TAS2R1: variants seen among roughly 807,000 people sequenced by gnomAD.
TAS2R1 encodes taste 2 receptor member 1.
For missense variants in TAS2R1, 370 were observed against 353.4 expected (o/e 1.05, Z -0.38); for synonymous variants, 141 against 134.2 (o/e 1.05, Z -0.35).
At chr5:9,721,422 A>T in the TAS2R1 span, among the ~76,000 whole-genome samples, 1 of 152,224 alleles carries the variant, frequency 6.6e-6, no homozygotes, top group African/African-American at 2.4e-5. Flanking sequence ...TCTGGGAAGT[A>T]TGGCCAATCC....
In TAS2R1 at chr5:9,629,671, C is replaced by T. The variant is rs1186817136; in HGVS notation, c.362G>A (p.Arg121Lys). The T allele has an allele frequency of 1.2e-6, 2 of 1,613,972 alleles. No individual in the cohort carries two copies. Among genetic ancestry groups the T allele is most frequent in the African/African-American group, 1.3e-5 (1 of 74,876 alleles). ...RHPLFIWLKM[R>K]ISKLVPWMIL... Reference sequence around the variant, plus strand: ...CATCCATGGGACCAGCTTGGATATCCTCATCTTCAACCAGATGAAGAGTGG... The same window carrying T: ...CATCCATGGGACCAGCTTGGATATCTTCATCTTCAACCAGATGAAGAGTGG... The change falls in exon 1 of 1, where the codon AGG becomes AAG. Residue 121 changes from arginine to lysine, a missense_variant. By Grantham distance (26) the Arg-to-Lys change is conservative. Coordinates refer to ENST00000382492, the MANE Select transcript of TAS2R1 (RefSeq NM_019599.3).
intron 2 of TAS2R1, among the ~76,000 whole-genome samples, chr5:9,654,829 C>T (rs1579769840): frequency 6.6e-6 from 1 of 152,296 alleles, no homozygotes; most frequent in East Asian, 1.9e-4. Context: ...TACAGCTATT[C>T]TGGAAAACAG....
At chr5:9,900,387 T>A in the TAS2R1 span, among the ~76,000 whole-genome samples, 2 of 152,338 alleles carry the variant, frequency 1.3e-5, no homozygotes, top group Admixed American at 6.5e-5. Context: ...TTACCCTATA[T>A]TCATTAACTT....
At chr5:9,844,602 T>C in the TAS2R1 span, among the ~76,000 whole-genome samples, 2 of 152,302 alleles carry the variant, frequency 1.3e-5, no homozygotes, top group African/African-American at 2.4e-5. Flanking sequence ...TACGTGATTA[T>C]TTGGTTTCAG....
the TAS2R1 span, among the ~76,000 whole-genome samples, chr5:9,789,504 G>A: frequency 2.6e-5 from 4 of 152,138 alleles, no homozygotes; most frequent in African/African-American, 4.8e-5. Flanking sequence ...CAATTACAAC[G>A]TTGCATAGAT....
the TAS2R1 span, among the ~76,000 whole-genome samples, chr5:9,851,015 T>C: frequency 6.6e-5 from 10 of 152,140 alleles, no homozygotes; most frequent in Admixed American, 6.5e-4. Flanking sequence ...ATGTTGTCTC[T>C]TTTCAGGTGG....
Position 9,630,144 on chromosome 5 carries a change from A to T in TAS2R1, c.-112T>A. 1 of 880,224 alleles carries T rather than the reference A, an allele frequency of 1.1e-6. No homozygotes were observed. Among genetic ancestry groups the T allele is most frequent in the Non-Finnish European group, 1.7e-6 (1 of 594,978 alleles). 54.5% of individuals were successfully genotyped at this position (880,224 alleles called of 1,614,324 possible). A position where few individuals can be genotyped will look rare whatever the true frequency, so the allele number is the denominator to read the frequency against. On this transcript the variant is annotated 5_prime_UTR_variant, in exon 1 of 1. It introduces an in-frame stop codon into an upstream open reading frame of the 5' UTR. Transcript: ENST00000382492. ...CAGGACTCCTCTGGGGAAGAAGACT[A>T]ACAATAAAGGCATGGGGCAGGAAGG... is the stretch of plus-strand genomic sequence containing the variant.
the TAS2R1 span, among the ~76,000 whole-genome samples, chr5:9,830,501 G>A: frequency 1.3e-5 from 2 of 152,034 alleles, no homozygotes; most frequent in African/African-American, 4.8e-5. Context: ...AGACTATGTA[G>A]ATGACTGACA....
chr5:9,715,331 C>T (rs1734785754), upstream of TAS2R1, among the ~76,000 whole-genome samples: 1 of 152,194 alleles, frequency 6.6e-6, no homozygotes, highest in South Asian at 2.1e-4. Flanking sequence ...GGGGATGCTA[C>T]AGCAGGTGGT....
chr5:9,840,926 G>A, the TAS2R1 span, among the ~76,000 whole-genome samples: 8 of 142,496 alleles, frequency 5.6e-5, 2 homozygotes, highest in African/African-American at 2.1e-4. Flanking sequence ...CCCAGCTGGA[G>A]TGCAGTGGCA....
the TAS2R1 span, among the ~76,000 whole-genome samples, chr5:9,784,836 G>A: frequency 6.6e-6 from 1 of 152,088 alleles, no homozygotes; most frequent in Non-Finnish European, 1.5e-5. Context: ...TAAGGACACT[G>A]TTCAGATTAG....
the TAS2R1 span, among the ~76,000 whole-genome samples, chr5:9,842,295 G>A: frequency 2.3e-4 from 35 of 149,580 alleles, no homozygotes; most frequent in South Asian, 6.4e-4. Context: ...CTATATTCTG[G>A]TAGGAAGTCT....
the TAS2R1 span, among the ~76,000 whole-genome samples, chr5:9,873,284 C>A: frequency 6.6e-6 from 1 of 152,184 alleles, no homozygotes; most frequent in Non-Finnish European, 1.5e-5. Flanking sequence ...GGACCCCAGA[C>A]TGACAGTGCT....
At chr5:9,780,971 T>C in the TAS2R1 span, among the ~76,000 whole-genome samples, 4 of 152,348 alleles carry the variant, frequency 2.6e-5, 1 homozygote, top group South Asian at 8.3e-4. Context: ...AGCTTGCCTA[T>C]GCATTTCAAA....
intron 1 of TAS2R1, among the ~76,000 whole-genome samples, chr5:9,706,337 A>G (rs1229051690): frequency 1.3e-5 from 2 of 152,170 alleles, no homozygotes; most frequent in Non-Finnish European, 2.9e-5. Context: ...CGAAGCCACA[A>G]CCCAAACACC....
chr5:9,842,312 C>CTTTTTTTTT, the TAS2R1 span, among the ~76,000 whole-genome samples: 18 of 120,370 alleles, frequency 1.5e-4, no homozygotes, highest in South Asian at 2.8e-4. Flanking sequence ...GTCTTTCTTT[C>CTTTTTTTTT]TCTCTTTTTT....
At chr5:9,775,545 T>C in the TAS2R1 span, among the ~76,000 whole-genome samples, 1 of 152,184 alleles carries the variant, frequency 6.6e-6, no homozygotes, top group Non-Finnish European at 1.5e-5. Flanking sequence ...GAGTCATATC[T>C]GAAGCCAGGA....
At chr5:9,713,478 C>A (rs545173826), upstream of TAS2R1, among the ~76,000 whole-genome samples, 4 of 152,118 alleles carry the variant, frequency 2.6e-5, no homozygotes, top group Non-Finnish European at 4.4e-5. Context: ...CTCCCACCCC[C>A]CACTGCTTTG....
the TAS2R1 span, among the ~76,000 whole-genome samples, chr5:9,872,955 CA>C: frequency 1.3e-5 from 2 of 152,166 alleles, no homozygotes; most frequent in Non-Finnish European, 2.9e-5. Context: ...TAATTGCAAT[CA>C]TTTTTTTGAG....
Sources: gnomAD v4.1 joint callset for allele counts (sites outside exome capture counted in the v4.1 genomes callset) on GRCh38, gnomAD v4.1.1 for gene constraint, MANE v1.5 for transcripts, NCBI Gene and HGNC (gene_info 2026-07-23, HGNC 2026-07-21) for gene names.